Variants in LRRC28 observed in about 807,000 individuals in gnomAD.
The protein encoded by LRRC28 is leucine rich repeat containing 28.
A neutral mutation model predicts 45.7 loss-of-function variants in LRRC28; 39 were observed. The ratio of observed to expected loss-of-function variants is 0.85; its 90% CI spans 0.66 to 1.12. The LOEUF (loss-of-function observed/expected upper bound fraction) is 1.12. LRRC28 is among the 50% of genes most tolerant of loss of function. LRRC28 has a pLI of 0.00. For synonymous variants in LRRC28, 206 were observed against 178.8 expected, an observed-to-expected ratio of 1.15 and a Z score of -1.22; for missense variants, 435 against 438.5, an observed-to-expected ratio of 0.99 and a Z score of 0.07.
intron 2 of LRRC28, 105 bp from the exon 3 acceptor site, chr15:99,276,471 C>G (rs2081619186): frequency 1.2e-6 from 1 of 803,500 alleles, no homozygotes; most frequent in East Asian, 3.1e-5. Context: ...CACATTTTCT[C>G]AAAATTTACA....
At chr15:99,347,848 C>G (rs1567684176) in intron 6 of LRRC28, among the ~76,000 whole-genome samples, 1 of 152,136 alleles carries the variant, frequency 6.6e-6, no homozygotes, top group Non-Finnish European at 1.5e-5. Flanking sequence ...TCTTTAGGAA[C>G]CTCCATACTG....
At chr15:99,374,053 C>G (rs1177641261) in intron 9 of LRRC28, among the ~76,000 whole-genome samples, 2 of 151,924 alleles carry the variant, frequency 1.3e-5, no homozygotes, top group Non-Finnish European at 2.9e-5. Flanking sequence ...CTTTGCTTTT[C>G]CCTTTCAGGA....
chr15:99,266,922 A>G (rs7171205), intron 2 of LRRC28, among the ~76,000 whole-genome samples: 96,057 of 151,562 alleles, frequency 0.63, 30,458 homozygotes, highest in Middle Eastern at 0.76. Flanking sequence ...AAACTGAATA[A>G]TGATTAAAGT....
intron 2 of LRRC28, chr15:99,258,203 T>G: frequency 6.2e-7 from 1 of 1,611,596 alleles, no homozygotes; most frequent in South Asian, 1.1e-5. Context: ...GATTGGCCAG[T>G]TTGGTGTCAG....
Position 99,255,934 on chromosome 15 carries a change from G to T in LRRC28, c.-24G>T. ...TTTTGACAAGATATAGTGCTGCAGC[G>T]TGCCTGATGGGATATATTCAGTCAT... On this transcript the variant is annotated 5_prime_UTR_variant, in exon 2 of 10. Coordinates refer to ENST00000301981, the MANE Select transcript of LRRC28 (RefSeq NM_144598.5). 1 of 1,607,098 alleles carries T rather than the reference G, an allele frequency of 6.2e-7. No homozygotes were observed. Among genetic ancestry groups the T allele is most frequent in the Non-Finnish European group, 8.5e-7 (1 of 1,177,616 alleles).
intron 2 of LRRC28, among the ~76,000 whole-genome samples, chr15:99,267,669 G>A (rs937965719): frequency 1.3e-5 from 2 of 152,080 alleles, no homozygotes; most frequent in Admixed American, 1.3e-4. Flanking sequence ...AAGTAAATGT[G>A]GTACAGTTCT....
intron 9 of LRRC28, among the ~76,000 whole-genome samples, chr15:99,367,796 T>C (rs753268982): frequency 9.9e-5 from 15 of 152,162 alleles, no homozygotes; most frequent in Non-Finnish European, 2.1e-4. Context: ...TCCTTTGGGC[T>C]TTTATGGAGG....
chr15:99,273,536 C>T (rs551548120), intron 2 of LRRC28, among the ~76,000 whole-genome samples: 111 of 150,430 alleles, frequency 7.4e-4, no homozygotes, highest in Non-Finnish European at 1.3e-3. Context: ...CGTGCCCGGC[C>T]GTGTCTGTGT....
intron 6 of LRRC28, among the ~76,000 whole-genome samples, chr15:99,340,603 A>G (rs1956474636): frequency 6.6e-6 from 1 of 152,374 alleles, no homozygotes; most frequent in Middle Eastern, 3.4e-3. Flanking sequence ...TTGAAGAACT[A>G]TGGCCTTGAC....
chr15:99,333,936 G>A lies in LRRC28; in HGVS notation c.399G>A (p.Leu133=). The A allele has an allele frequency of 1.2e-6, 2 of 1,614,062 alleles. No homozygotes were observed. Among genetic ancestry groups the A allele is most frequent in the Non-Finnish European group, 1.7e-6 (2 of 1,179,960 alleles). Residue 133 remains leucine, a synonymous_variant, in exon 6 of 10, where the codon TTG becomes TTA. Transcript: ENST00000301981. ...TTTTGGTTGTAGAGGTTGGCGATTT[G>A]AAGGAGCTGCAGACACTAGACATTT... ...LQFLPPEVGD[L]KELQTLDIST...
chr15:99,287,875 T>G lies in LRRC28; in HGVS notation c.309T>G (p.Val103=), dbSNP rs369909735. 9.8e-5 allele frequency: 158 copies of G among 1,613,720 alleles called. No homozygotes were observed. Among genetic ancestry groups the G allele is most frequent in the Non-Finnish European group, 1.3e-4 (148 of 1,179,848 alleles). The part of the protein sequence containing the change: ...LDLSDNALEI[V]CPEIGRLRAL... ...TTAGTGACAATGCCTTAGAAATTGT[T>G]TGCCCAGAAATTGGTCGTCTGAGAG... is the stretch of plus-strand genomic sequence containing the variant. Residue 103 remains valine (V), a synonymous_variant, in exon 5 of 10, where the codon GTT becomes GTG. Transcript: ENST00000301981.
intron 6 of LRRC28, among the ~76,000 whole-genome samples, chr15:99,341,622 G>T (rs1956515666): frequency 6.6e-6 from 1 of 152,056 alleles, no homozygotes; most frequent in Non-Finnish European, 1.5e-5. Flanking sequence ...GGATTTAGGG[G>T]GTGGGACATG....
At chr15:99,383,824 TC>T (rs1297375624) in intron 9 of LRRC28, among the ~76,000 whole-genome samples, 1 of 152,138 alleles carries the variant, frequency 6.6e-6, no homozygotes, top group Non-Finnish European at 1.5e-5. Flanking sequence ...CCATTTATCC[TC>T]CCTCTAGAAT....
intron 1 of LRRC28, among the ~76,000 whole-genome samples, chr15:99,254,597 T>G (rs1367504153): frequency 1.3e-5 from 2 of 152,238 alleles, no homozygotes; most frequent in East Asian, 3.8e-4. Context: ...TAGTATCCTG[T>G]GGAATCTTGT....
At chr15:99,271,519 C>T (rs1307089823) in intron 2 of LRRC28, among the ~76,000 whole-genome samples, 1 of 152,142 alleles carries the variant, frequency 6.6e-6, no homozygotes, top group East Asian at 1.9e-4. Flanking sequence ...CCTCATGATC[C>T]ACTTGCCTCA....
intron 9 of LRRC28, among the ~76,000 whole-genome samples, chr15:99,369,665 A>C (rs78354698): frequency 0.019 from 2,840 of 152,334 alleles, 95 homozygotes; most frequent in African/African-American, 0.065. Flanking sequence ...ACTGATTTAA[A>C]TATTAATCAT....
chr15:99,280,314 C>A (rs1326197599), intron 3 of LRRC28, among the ~76,000 whole-genome samples: 1 of 151,940 alleles, frequency 6.6e-6, no homozygotes, highest in East Asian at 1.9e-4. Context: ...TCCAGTTTAT[C>A]ATTTTTTGCT....
At chr15:99,315,821 A>G (rs1262825988) in intron 5 of LRRC28, among the ~76,000 whole-genome samples, 1 of 152,190 alleles carries the variant, frequency 6.6e-6, no homozygotes, top group Non-Finnish European at 1.5e-5. Flanking sequence ...TGAGGTAGGA[A>G]GATAGTTTGA....
At chr15:99,258,747 A>G in intron 2 of LRRC28, 1 of 699,026 alleles carries the variant, frequency 1.4e-6, no homozygotes, top group South Asian at 1.4e-5. Context: ...TTTACTGCTG[A>G]AGGAGAAGTT....
Sources: gnomAD v4.1 joint callset for allele counts (sites outside exome capture counted in the v4.1 genomes callset) on GRCh38, gnomAD v4.1.1 for gene constraint, MANE v1.5 for transcripts, NCBI Gene and HGNC (gene_info 2026-07-23, HGNC 2026-07-21) for gene names.